TBC1D15: variants seen among roughly 807,000 people sequenced by gnomAD.
TBC1D15 encodes TBC1 domain family member 15, also known as GAP for RAB7.
TBC1D15 carries 39 observed loss-of-function variants against 95.4 expected under a neutral mutation model. The ratio of observed to expected loss-of-function variants is 0.41; its 90% CI spans 0.32 to 0.53. TBC1D15 has a LOEUF of 0.53. Among genes scored for constraint, TBC1D15 ranks in the 20% least tolerant of loss-of-function variants. The pLI is 0.29. For missense variants in TBC1D15, 733 were observed against 794.3 expected, an observed-to-expected ratio of 0.92 and a Z score of 0.93; for synonymous variants, 258 against 261.3, an observed-to-expected ratio of 0.99 and a Z score of 0.12.
intron 1 of TBC1D15, among the ~76,000 whole-genome samples, chr12:71,866,249 G>T (rs1891475241): frequency 6.6e-6 from 1 of 152,174 alleles, no homozygotes; most frequent in Non-Finnish European, 1.5e-5. Context: ...CACAGTTCCA[G>T]TTCCAAGATG....
At chr12:71,876,192 A>AT (rs1893777313) in intron 3 of TBC1D15, among the ~76,000 whole-genome samples, 1 of 152,196 alleles carries the variant, frequency 6.6e-6, no homozygotes, top group South Asian at 2.1e-4. Flanking sequence ...AAACAGAGGT[A>AT]TCTCACTTTT....
In TBC1D15 at chr12:71,923,766, T is replaced by G. The variant is rs371476480; in HGVS notation, c.*562T>G. ...GTGTAGATAAATATTTCAACCATAA[T>G]AAGTGGATTGGCAGTATATTTTTTA... On this transcript the variant is annotated 3_prime_UTR_variant, in exon 17 of 17. Transcript: ENST00000485960. 3.3e-5 allele frequency: 5 copies of G among 152,756 alleles called. No individual in the cohort carries two copies. In the East Asian group the frequency reaches 9.6e-4, roughly 29 times the overall value. 9.5% of individuals were successfully genotyped at this position (152,756 alleles called of 1,614,324 possible).
chr12:71,910,269 GTAGT>G (rs1901873512), intron 11 of TBC1D15, among the ~76,000 whole-genome samples: 1 of 151,636 alleles, frequency 6.6e-6, no homozygotes, highest in Non-Finnish European at 1.5e-5. Context: ...CTGTAGCCTT[GTAGT>G]ATAGTTTGAA....
intron 1 of TBC1D15, chr12:71,849,600 G>A: frequency 1.6e-6 from 1 of 621,780 alleles, no homozygotes; most frequent in Non-Finnish European, 3.0e-6. Flanking sequence ...TGAATCATCA[G>A]TCAGTACCGT....
chr12:71,884,498 A>T (rs2138532052), intron 4 of TBC1D15, among the ~76,000 whole-genome samples: 1 of 152,326 alleles, frequency 6.6e-6, no homozygotes, highest in South Asian at 2.1e-4. Flanking sequence ...TCAGTTAGTA[A>T]GATGGTAGTG....
intron 5 of TBC1D15, among the ~76,000 whole-genome samples, chr12:71,889,936 C>G (rs906867008): frequency 6.6e-6 from 1 of 152,134 alleles, no homozygotes; most frequent in African/African-American, 2.4e-5. Context: ...GGAAAATAGC[C>G]TCCAGCTTCA....
At chr12:71,911,517 G>A (rs565903501) in intron 11 of TBC1D15, among the ~76,000 whole-genome samples, 4,575 of 149,758 alleles carry the variant, frequency 0.031, 238 homozygotes, top group African/African-American at 0.11. Context: ...GTAAACTATC[G>A]CAAGGACAAA....
At position 71,889,534 on chromosome 12, in the gene TBC1D15, A is replaced by G. The variant is rs538592652; in HGVS notation, c.555-3688A>G. Among the ~76,000 whole-genome samples, 5 of 151,770 alleles carry G rather than the reference A, an allele frequency of 3.3e-5. No individual in the cohort carries two copies. In the East Asian group the frequency reaches 9.7e-4, roughly 29 times the overall value. ...TTATAGACTCCAAGTAGTAGAATAAAGCTATTCCAAGTAGTAGAATAAAGC... is the reference window on the plus strand; with the variant it reads ...TTATAGACTCCAAGTAGTAGAATAAGGCTATTCCAAGTAGTAGAATAAAGC... On this transcript the variant is annotated intron_variant, in intron 5 of 16. Coordinates refer to ENST00000485960, the MANE Select transcript of TBC1D15 (RefSeq NM_001146213.3).
chr12:71,881,189 T>C (rs1592751780), intron 4 of TBC1D15, among the ~76,000 whole-genome samples: 1 of 152,338 alleles, frequency 6.6e-6, no homozygotes, highest in South Asian at 2.1e-4. Flanking sequence ...ATAGTCTTTG[T>C]ACGGTCACAG....
intron 4 of TBC1D15, among the ~76,000 whole-genome samples, chr12:71,881,524 G>A (rs1858258077): frequency 6.6e-6 from 1 of 152,150 alleles, no homozygotes; most frequent in Non-Finnish European, 1.5e-5. Flanking sequence ...ACTTTAATAT[G>A]TGGTCAGAGT....
At chr12:71,875,420 G>A (rs1893584261) in intron 3 of TBC1D15, among the ~76,000 whole-genome samples, 1 of 151,794 alleles carries the variant, frequency 6.6e-6, no homozygotes, top group Admixed American at 6.6e-5. Flanking sequence ...TTTGTTGCCT[G>A]TGCTTTTGGC....
At chr12:71,885,163 T>A in intron 5 of TBC1D15, 142 bp downstream of exon 5, 1 of 704,990 alleles carries the variant, frequency 1.4e-6, no homozygotes, top group Non-Finnish European at 2.3e-6. Flanking sequence ...GGGATATTGA[T>A]TTCTTTGGAA....
rs146628081 is a variant in TBC1D15 at position 71,914,564 on chromosome 12, C to G, written c.1401+638C>G. On this transcript the variant is annotated intron_variant, in intron 12 of 16. Coordinates refer to ENST00000485960, the MANE Select transcript of TBC1D15 (RefSeq NM_001146213.3). The stretch of plus-strand genomic sequence containing the variant: ...CAGGAAAATAAAAGAAAAGTCTCTT[C>G]AAGCAATCTCAGAAAAATAAAAGCA... Among the ~76,000 whole-genome samples, 763 of 151,982 alleles carry G rather than the reference C, an allele frequency of 5.0e-3. 6 individuals carry two copies. Among genetic ancestry groups the G allele is most frequent in the African/African-American group, 0.017 (708 of 41,490 alleles).
At chr12:71,847,995 G>A (rs954502652) in intron 1 of TBC1D15, among the ~76,000 whole-genome samples, 1 of 152,084 alleles carries the variant, frequency 6.6e-6, no homozygotes, top group African/African-American at 2.4e-5. Flanking sequence ...TACTCGGGAG[G>A]CTGAGACAGG....
At chr12:71,867,620 CT>C (rs1360736798) in intron 1 of TBC1D15, among the ~76,000 whole-genome samples, 1 of 152,184 alleles carries the variant, frequency 6.6e-6, no homozygotes, top group Non-Finnish European at 1.5e-5. Context: ...CTCCAAATAC[CT>C]GAAATCCACA....
At position 71,913,936 on chromosome 12, in the gene TBC1D15, G is replaced by A; in HGVS notation, c.1401+10G>A. ...TTACATGGACCAAATGGTAAGAACA[G>A]AGATTCCTTCCATTAAACTGATTTT... On this transcript the variant is annotated intron_variant, in intron 12 of 16. Coordinates refer to ENST00000485960, the MANE Select transcript of TBC1D15 (RefSeq NM_001146213.3). 2 of 1,562,562 alleles carry A rather than the reference G, an allele frequency of 1.3e-6. No individual in the cohort carries two copies. Among genetic ancestry groups the A allele is most frequent in the Admixed American group, 1.9e-5 (1 of 51,894 alleles).
In TBC1D15 at chr12:71,922,393, A is replaced by ATT. The variant is rs113471599; in HGVS notation, c.1804-579_1804-578dup. On this transcript the variant is annotated intron_variant, in intron 16 of 16. Coordinates refer to ENST00000485960, the MANE Select transcript of TBC1D15 (RefSeq NM_001146213.3). The stretch of plus-strand genomic sequence containing the variant: ...ACCCATCACGCCCGGCCATGACTGC[A>ATT]TTTTTTTTTTTTGATACTTCAAGTT... Among the ~76,000 whole-genome samples the ATT allele has an allele frequency of 6.6e-3, 975 of 146,752 alleles. 5 individuals are homozygous for ATT. The highest frequency in any genetic ancestry group is 0.022 in the African/African-American group (879 of 40,362).
At chr12:71,911,610 C>G (rs1231919147) in intron 11 of TBC1D15, among the ~76,000 whole-genome samples, 14 of 113,494 alleles carry the variant, frequency 1.2e-4, no homozygotes, top group Non-Finnish European at 2.3e-4. Flanking sequence ...ACATCACACT[C>G]TGGGGACTGT....
At chr12:71,851,449 T>A (rs1417110834) in intron 1 of TBC1D15, among the ~76,000 whole-genome samples, 1 of 152,212 alleles carries the variant, frequency 6.6e-6, no homozygotes, top group Non-Finnish European at 1.5e-5. Context: ...AGAATCATAC[T>A]TTCCCAGTAG....
Sources: gnomAD v4.1 joint callset for allele counts (sites outside exome capture counted in the v4.1 genomes callset) on GRCh38, gnomAD v4.1.1 for gene constraint, MANE v1.5 for transcripts, NCBI Gene and HGNC (gene_info 2026-07-23, HGNC 2026-07-21) for gene names.